The following ERC2 variants were observed in gnomAD, a reference collection of about 807,000 sequenced individuals.
The protein encoded by ERC2 is ELKS/RAB6-interacting/CAST family member 2, also known as ERC protein 2.
Under a neutral mutation model 114.8 loss-of-function variants are expected in ERC2, and 42 were observed. The observed-to-expected ratio is 0.37, with a 90% CI of 0.29 to 0.47. The LOEUF is 0.47. ERC2 is among the 20% of genes least tolerant of loss of function. ERC2 has a pLI of 0.99. For missense variants in ERC2, 939 were observed against 1,150.7 expected (o/e 0.82, Z 2.66); for synonymous variants, 454 against 425.5 (o/e 1.07, Z -0.82).
At chr3:56,311,233 CTCTCTCTCTCTCTCTCTCTCTCTATATA>C (rs1474144779) in intron 2 of ERC2, among the ~76,000 whole-genome samples, 17 of 12,748 alleles carry the variant, frequency 1.3e-3, no homozygotes, top group Admixed American at 3.4e-3. Context: ...CCATCATCTT[CTCTCTCTCTCTCTCTCTCTCTCTATATA>C]TATATATATA....
At chr3:56,178,901 T>C (rs567410637) in intron 3 of ERC2, among the ~76,000 whole-genome samples, 8 of 151,964 alleles carry the variant, frequency 5.3e-5, no homozygotes, top group African/African-American at 1.7e-4. Flanking sequence ...CAACTTCCAA[T>C]AGGATAGTCA....
intron 3 of ERC2, among the ~76,000 whole-genome samples, chr3:56,216,966 A>G (rs1361927266): frequency 1.3e-5 from 2 of 152,230 alleles, no homozygotes; most frequent in Non-Finnish European, 2.9e-5. Context: ...AACTCTCAAT[A>G]AATTAGGTAT....
chr3:55,536,007 A>AAAC (rs546940453), intron 17 of ERC2, among the ~76,000 whole-genome samples: 222 of 152,262 alleles, frequency 1.5e-3, no homozygotes, highest in African/African-American at 4.9e-3. Context: ...CTCAAAAACA[A>AAAC]AACAACAACA....
chr3:56,209,866 A>C (rs372670260), intron 3 of ERC2, among the ~76,000 whole-genome samples: 104 of 152,316 alleles, frequency 6.8e-4, no homozygotes, highest in Middle Eastern at 3.4e-3. Context: ...CACAGCATTC[A>C]GTCCCTTCAG....
rs59006406 is a variant in ERC2 at position 55,714,694 on chromosome 3, T to TATATATAC, written c.2713-15183_2713-15182insGTATATAT. Among the ~76,000 whole-genome samples the TATATATAC allele has an allele frequency of 4.9e-3, 589 of 119,618 alleles. 20 individuals are homozygous for TATATATAC. The highest frequency in any genetic ancestry group is 0.016 in the East Asian group (66 of 4,146). The allele number at this position is 119,618 out of a possible 152,430, so 78.5% of individuals were successfully genotyped here. A position where few individuals can be genotyped will look rare whatever the true frequency, so the allele number is the denominator to read the frequency against. On this transcript the variant is annotated intron_variant, in intron 15 of 17. Coordinates refer to ENST00000288221, the MANE Select transcript of ERC2 (RefSeq NM_015576.3). ...ATATATATATATATATATATATATA[T>TATATATAC]ATATATATATATATATATATGAAAA...
At chr3:55,546,326 A>C (rs1262024315) in intron 17 of ERC2, among the ~76,000 whole-genome samples, 1 of 152,074 alleles carries the variant, frequency 6.6e-6, no homozygotes, top group Non-Finnish European at 1.5e-5. Context: ...CAGCCCTGGC[A>C]AGACTTTGTT....
intron 3 of ERC2, among the ~76,000 whole-genome samples, chr3:56,176,056 G>T (rs909019904): frequency 2.6e-5 from 4 of 152,194 alleles, no homozygotes; most frequent in African/African-American, 9.7e-5. Context: ...GATTGCTGGA[G>T]TTCACTGTAC....
At chr3:56,289,667 G>C (rs565851981) in intron 3 of ERC2, among the ~76,000 whole-genome samples, 2 of 152,276 alleles carry the variant, frequency 1.3e-5, no homozygotes, top group Non-Finnish European at 2.9e-5. Context: ...CTCCAATCAT[G>C]CTTTCCCACC....
chr3:56,054,020 T>C (rs1159430429), intron 7 of ERC2, among the ~76,000 whole-genome samples: 1 of 152,126 alleles, frequency 6.6e-6, no homozygotes, highest in Admixed American at 6.5e-5. Context: ...CTTTGAATCA[T>C]CTGTAAACAC....
At chr3:56,218,902 C>T (rs866532751) in intron 3 of ERC2, among the ~76,000 whole-genome samples, 13 of 152,052 alleles carry the variant, frequency 8.5e-5, no homozygotes, top group South Asian at 2.1e-4. Flanking sequence ...AAAAACCAAA[C>T]GCCGCGTGTT....
intron 2 of ERC2, among the ~76,000 whole-genome samples, chr3:56,328,865 AAG>A: frequency 6.6e-6 from 1 of 152,164 alleles, no homozygotes; most frequent in East Asian, 1.9e-4. Flanking sequence ...ACTTTGAGAG[AAG>A]AGAGAGAAAA....
At chr3:55,594,693 G>A (rs1339262638) in intron 17 of ERC2, among the ~76,000 whole-genome samples, 5 of 151,886 alleles carry the variant, frequency 3.3e-5, no homozygotes, top group Non-Finnish European at 7.4e-5. Context: ...CATTTTGGCC[G>A]AGCTGGTCTC....
At chr3:56,370,546 ATTTG>A (rs751109162) in intron 2 of ERC2, among the ~76,000 whole-genome samples, 77 of 131,120 alleles carry the variant, frequency 5.9e-4, no homozygotes, top group Non-Finnish European at 9.0e-4. Context: ...TGTGTTCCTG[ATTTG>A]TTTGTTTGTT....
At chr3:56,466,991 C>T (rs2063573393) in intron 1 of ERC2, 1 of 152,134 alleles carries the variant, frequency 6.6e-6, no homozygotes, top group South Asian at 2.1e-4. Flanking sequence ...CCTCGGCATC[C>T]GCAACTACTA....
At chr3:55,637,522 G>A (rs1250084554) in intron 17 of ERC2, among the ~76,000 whole-genome samples, 1 of 152,136 alleles carries the variant, frequency 6.6e-6, no homozygotes, top group East Asian at 1.9e-4. Context: ...ATCCAGGCTG[G>A]GCTGACCGGG....
At chr3:55,721,303 C>A (rs547777099) in intron 15 of ERC2, among the ~76,000 whole-genome samples, 1 of 152,356 alleles carries the variant, frequency 6.6e-6, no homozygotes, top group South Asian at 2.1e-4. Context: ...AAAGGCACAA[C>A]ACTGTGCCTA....
intron 6 of ERC2, among the ~76,000 whole-genome samples, chr3:56,089,611 C>G (rs1432402871): frequency 1.8e-4 from 27 of 151,684 alleles, no homozygotes; most frequent in Admixed American, 1.8e-3. Flanking sequence ...TTTAGCACAT[C>G]TCAATGAGGA....
At chr3:55,710,002 G>C (rs916913670) in intron 15 of ERC2, among the ~76,000 whole-genome samples, 4 of 152,090 alleles carry the variant, frequency 2.6e-5, no homozygotes, top group African/African-American at 9.7e-5. Flanking sequence ...AAAACAAATG[G>C]GAAGAGAAAA....
At chr3:55,906,516 C>T (rs9822787) in intron 13 of ERC2, among the ~76,000 whole-genome samples, 18,609 of 151,404 alleles carry the variant, frequency 0.12, 1,763 homozygotes, top group East Asian at 0.26. Flanking sequence ...TTTGAATGTA[C>T]GTTCTCAGCA....
Sources: gnomAD v4.1 joint callset for allele counts (sites outside exome capture counted in the v4.1 genomes callset) on GRCh38, gnomAD v4.1.1 for gene constraint, MANE v1.5 for transcripts, NCBI Gene and HGNC (gene_info 2026-07-23, HGNC 2026-07-21) for gene names.